The following STARD6 variants were observed in gnomAD, a reference collection of about 807,000 sequenced individuals.
STARD6 encodes the protein StAR related lipid transfer domain containing 6.
A neutral mutation model predicts 22.3 loss-of-function variants in STARD6; 21 were observed. The observed-to-expected ratio is 0.94, with a 90% CI of 0.67 to 1.35. The LOEUF is 1.35. STARD6 is among the 40% of genes most tolerant of loss of function. The pLI is 0.00. For missense variants in STARD6, 269 were observed against 266.9 expected (o/e 1.01, Z -0.05); for synonymous variants, 80 against 88.1 (o/e 0.91, Z 0.52).
rs367580513 is a variant in STARD6, at chr18:54,341,121, G to A, written c.141-3870C>T. Among the ~76,000 whole-genome samples, 19 of 152,216 alleles carry A rather than the reference G, an allele frequency of 1.2e-4. No homozygotes were observed. In the South Asian group the frequency reaches 2.7e-3, roughly 22 times the overall value. Reference sequence around the variant, plus strand: ...CCCAGGCTGGAGGGCATGCAATGGCGCGATCTCGGCTCACTGCAACCTCCG... The same window carrying A: ...CCCAGGCTGGAGGGCATGCAATGGCACGATCTCGGCTCACTGCAACCTCCG... On this transcript the variant is annotated intron_variant, in intron 4 of 7. Transcript: ENST00000307844.
intron 5 of STARD6, among the ~76,000 whole-genome samples, chr18:54,334,522 A>G (rs916095679): frequency 2.0e-5 from 3 of 151,870 alleles, no homozygotes; most frequent in Admixed American, 6.6e-5. Context: ...CTTGCTTTTT[A>G]TGGTCAAACC....
intron 6 of STARD6, among the ~76,000 whole-genome samples, chr18:54,330,183 T>C (rs1446096992): frequency 6.6e-6 from 1 of 152,006 alleles, no homozygotes; most frequent in East Asian, 1.9e-4. Context: ...GATTTTAACA[T>C]AAAGCAAATC....
At chr18:54,356,132 A>G (rs973243328) in intron 2 of STARD6, among the ~76,000 whole-genome samples, 5 of 152,200 alleles carry the variant, frequency 3.3e-5, no homozygotes, top group African/African-American at 9.7e-5. Flanking sequence ...AAAACTCTCC[A>G]AAGATCTGCT....
chr18:54,351,262 AT>A (rs1421246343), intron 4 of STARD6, among the ~76,000 whole-genome samples: 1 of 152,064 alleles, frequency 6.6e-6, no homozygotes, highest in African/African-American at 2.4e-5. Flanking sequence ...TGAATTCTTT[AT>A]TTCATTCTCA....
chr18:54,326,552 G>T (rs1221117348), intron 7 of STARD6, among the ~76,000 whole-genome samples: 1 of 150,702 alleles, frequency 6.6e-6, no homozygotes, highest in East Asian at 1.9e-4. Context: ...GGCTGATCTC[G>T]AACTCCTGAC....
At chr18:54,357,026 T>G (rs2089153335) in intron 1 of STARD6, 1 of 152,182 alleles carries the variant, frequency 6.6e-6, no homozygotes. Context: ...AAGAAGAAAG[T>G]GCAAACAGTA....
chr18:54,330,759 A>T (rs926807663), intron 6 of STARD6, among the ~76,000 whole-genome samples: 1 of 152,068 alleles, frequency 6.6e-6, no homozygotes, highest in Non-Finnish European at 1.5e-5. Flanking sequence ...CTTCCCTCTG[A>T]TCACTAATAA....
chr18:54,348,403 C>T (rs1234544149), intron 4 of STARD6, among the ~76,000 whole-genome samples: 1 of 152,136 alleles, frequency 6.6e-6, no homozygotes. Flanking sequence ...CAGAATCCAT[C>T]TCTGGATAAT....
chr18:54,338,422 A>G (rs2088936485), intron 4 of STARD6, among the ~76,000 whole-genome samples: 1 of 152,218 alleles, frequency 6.6e-6, no homozygotes, highest in Admixed American at 6.5e-5. Context: ...GGAGTGATCC[A>G]TAGGAGGCCA....
chr18:54,348,521 T>G (rs1853714312), intron 4 of STARD6, among the ~76,000 whole-genome samples: 1 of 152,192 alleles, frequency 6.6e-6, no homozygotes, highest in African/African-American at 2.4e-5. Flanking sequence ...TCTAAGTTTT[T>G]GTCTCACTAA....
At chr18:54,356,293 T>C (rs1411893356) in intron 2 of STARD6, 68 bp downstream of exon 2, 1 of 152,246 alleles carries the variant, frequency 6.6e-6, no homozygotes, top group Middle Eastern at 3.2e-3. Context: ...ATAGTCTCTA[T>C]ATTTGAAAAG....
At chr18:54,340,071 A>G (rs909948570) in intron 4 of STARD6, among the ~76,000 whole-genome samples, 12 of 152,158 alleles carry the variant, frequency 7.9e-5, no homozygotes, top group Admixed American at 5.2e-4. Context: ...TTCTAAAGCT[A>G]TATTTCTATA....
At chr18:54,327,017 C>T (rs946025142) in intron 7 of STARD6, among the ~76,000 whole-genome samples, 16 of 152,248 alleles carry the variant, frequency 1.1e-4, no homozygotes, top group African/African-American at 3.1e-4. Flanking sequence ...TATATGTAAC[C>T]TTCAGATAGT....
chr18:54,325,802 G>A (rs1244072502), intron 7 of STARD6, among the ~76,000 whole-genome samples: 2 of 151,884 alleles, frequency 1.3e-5, no homozygotes, highest in Non-Finnish European at 2.9e-5. Flanking sequence ...CTCCCACTTC[G>A]GCCTCCCAAA....
chr18:54,350,509 T>C (rs891729286), intron 4 of STARD6, among the ~76,000 whole-genome samples: 2 of 152,152 alleles, frequency 1.3e-5, no homozygotes, highest in African/African-American at 4.8e-5. Context: ...TATTTATTTT[T>C]GGTTTTGTTG....
chr18:54,333,803 GTTTA>G (rs1055973312), intron 5 of STARD6, among the ~76,000 whole-genome samples: 17 of 152,264 alleles, frequency 1.1e-4, no homozygotes, highest in East Asian at 3.9e-4. Flanking sequence ...TATGTGGGAT[GTTTA>G]TTTATTTATT....
chr18:54,354,267 T>C (rs773067021), intron 3 of STARD6, 164 bp from the exon 4 acceptor site: 69 of 630,402 alleles, frequency 1.1e-4, no homozygotes, highest in Non-Finnish European at 1.8e-4. Flanking sequence ...GCCCAGTCTG[T>C]AGTGTACTGG....
At chr18:54,354,350 T>C (rs1042426010) in intron 3 of STARD6, 134 bp downstream of exon 3, 1 of 762,558 alleles carries the variant, frequency 1.3e-6, no homozygotes, top group Non-Finnish European at 2.1e-6. Flanking sequence ...TGTGTTAGCC[T>C]CCTGAGTAGC....
chr18:54,356,792 G>C (rs1020075473), intron 1 of STARD6, among the ~76,000 whole-genome samples: 5 of 152,160 alleles, frequency 3.3e-5, no homozygotes, highest in Non-Finnish European at 5.9e-5. Flanking sequence ...ATAAAACACC[G>C]TTCTTGATTT....
Sources: allele counts gnomAD v4.1 joint callset (sites outside exome capture counted in the v4.1 genomes callset), GRCh38; gene constraint gnomAD v4.1.1; transcripts MANE v1.5; gene names NCBI Gene and HGNC (gene_info 2026-07-23, HGNC 2026-07-21).